Variants in DIS3L2 observed in about 807,000 individuals in gnomAD.
DIS3L2 encodes the protein DIS3 like 3'-5' exoribonuclease 2.
A neutral mutation model predicts 97.5 loss-of-function variants in DIS3L2; 34 were observed. That is an observed-to-expected ratio of 0.35 (90% CI 0.27 to 0.46). DIS3L2 has a LOEUF of 0.46. DIS3L2 is among the 20% of genes least tolerant of loss of function. The probability of loss-of-function intolerance (pLI) is 1.00; values close to 1 mark genes in which losing one functional copy is unlikely to be tolerated. For synonymous variants in DIS3L2, 435 were observed against 445.2 expected (o/e 0.98, Z 0.29); for missense variants, 1,038 against 1,146.0 (o/e 0.91, Z 1.36).
chr2:232,306,558 C>T (rs945401259), intron 14 of DIS3L2, among the ~76,000 whole-genome samples: 2 of 151,986 alleles, frequency 1.3e-5, no homozygotes, highest in African/African-American at 2.4e-5. Context: ...TCTATTAGTT[C>T]TCTGTGTTTG....
In DIS3L2 at chr2:232,325,527, C is replaced by G. The variant is rs988728662; in HGVS notation, c.1740-4286C>G. 3.3e-5 allele frequency among the ~76,000 whole-genome samples: 5 copies of G among 152,202 alleles called. No individual in the cohort carries two copies. Among genetic ancestry groups the G allele is most frequent in the Non-Finnish European group, 5.9e-5 (4 of 68,028 alleles). The stretch of plus-strand genomic sequence containing the variant: ...CTCCTGCCCCAGGGAGGCCCAGAAC[C>G]AGGGAGGAGAGGTGCTGGGAGTGAG... On this transcript the variant is annotated intron_variant, in intron 14 of 20. Coordinates refer to ENST00000325385, the MANE Select transcript of DIS3L2 (RefSeq NM_152383.5). The surrounding 1 kb of genome is among the most constrained non-coding windows in gnomAD (Gnocchi z 4.6).
chr2:232,318,357 G>A (rs948398361), intron 14 of DIS3L2, among the ~76,000 whole-genome samples: 6 of 152,262 alleles, frequency 3.9e-5, no homozygotes, highest in Non-Finnish European at 5.9e-5. Context: ...TGGAGGACCA[G>A]TTTCGCCAAG....
intron 5 of DIS3L2, among the ~76,000 whole-genome samples, chr2:232,034,844 A>G (rs1281416748): frequency 6.6e-6 from 1 of 152,172 alleles, no homozygotes; most frequent in Non-Finnish European, 1.5e-5. Flanking sequence ...ATTTGTTAAG[A>G]TTTCCATTGT....
intron 9 of DIS3L2, among the ~76,000 whole-genome samples, chr2:232,175,673 C>T: frequency 6.6e-6 from 1 of 151,946 alleles, no homozygotes; most frequent in East Asian, 1.9e-4. Flanking sequence ...ATGATTTTGT[C>T]ACCCAGGTAG....
intron 8 of DIS3L2, among the ~76,000 whole-genome samples, chr2:232,153,539 TC>T (rs1690379913): frequency 1.9e-5 from 1 of 53,114 alleles, no homozygotes; most frequent in Admixed American, 2.1e-4. Flanking sequence ...CCCACTCTCT[TC>T]TGGCTTGTAG....
At chr2:232,316,826 A>C (rs753375291) in intron 14 of DIS3L2, among the ~76,000 whole-genome samples, 3 of 152,194 alleles carry the variant, frequency 2.0e-5, no homozygotes, top group Non-Finnish European at 4.4e-5. Context: ...GTTTCCTGTC[A>C]TTAAGTCTTT....
At chr2:231,977,246 G>C (rs1049695053) in intron 1 of DIS3L2, among the ~76,000 whole-genome samples, 1 of 149,132 alleles carries the variant, frequency 6.7e-6, no homozygotes, top group East Asian at 1.9e-4. Context: ...AGGACCGTCT[G>C]TCTGTACAAT....
At chr2:232,336,303 G>A (rs746275066) in intron 20 of DIS3L2, 166 bp from the exon 21 acceptor site, 3 of 1,547,154 alleles carry the variant, frequency 1.9e-6, no homozygotes, top group South Asian at 2.4e-5. Flanking sequence ...ACTCTGCCCT[G>A]ACCCAGGGCA....
chr2:232,169,858 G>A (rs1335163739), intron 9 of DIS3L2, among the ~76,000 whole-genome samples: 1 of 152,128 alleles, frequency 6.6e-6, no homozygotes, highest in Admixed American at 6.5e-5. Context: ...CCAGTTTTTT[G>A]GTCCAATGGA....
intron 7 of DIS3L2, 48 bp from the exon 8 acceptor site, chr2:232,136,424 T>G (rs755267179): frequency 7.5e-6 from 12 of 1,602,724 alleles, no homozygotes; most frequent in South Asian, 1.1e-5. Flanking sequence ...CCAAGTGTAA[T>G]TCAGTTCTGC....
Position 232,238,431 on chromosome 2 carries a change from C to G in DIS3L2, c.1205-102C>G, listed in dbSNP as rs919498652. 7.6e-5 allele frequency: 69 copies of G among 908,388 alleles called. 1 individual carries two copies. In the South Asian group the frequency reaches 1.0e-3, roughly 13 times the overall value. 56.3% of individuals were successfully genotyped at this position (908,388 alleles called of 1,614,324 possible). On this transcript the variant is annotated intron_variant, in intron 10 of 20. Coordinates refer to ENST00000325385, the MANE Select transcript of DIS3L2 (RefSeq NM_152383.5). ...CTAGATGTGTCACCTAACTGCAGGT[C>G]CTGTGGCCTCTGGGAGTGACATACA... is the stretch of plus-strand genomic sequence containing the variant.
intron 5 of DIS3L2, among the ~76,000 whole-genome samples, chr2:232,063,321 T>G (rs1695764876): frequency 6.6e-6 from 1 of 152,226 alleles, no homozygotes; most frequent in Admixed American, 6.5e-5. Flanking sequence ...TATTTTGATT[T>G]CTTTCTTGAT....
chr2:232,185,712 T>C (rs1004642732), intron 9 of DIS3L2, among the ~76,000 whole-genome samples: 2 of 152,118 alleles, frequency 1.3e-5, no homozygotes, highest in African/African-American at 4.8e-5. Flanking sequence ...TAGCTGAGTG[T>C]GGTGGCTTGT....
At chr2:231,977,578 G>T (rs1446722179) in intron 1 of DIS3L2, among the ~76,000 whole-genome samples, 1 of 152,062 alleles carries the variant, frequency 6.6e-6, no homozygotes, top group Admixed American at 6.6e-5. Flanking sequence ...TAGTATTGTG[G>T]GCAGAGCCCA....
At chr2:231,973,330 A>G (rs141889789) in intron 1 of DIS3L2, among the ~76,000 whole-genome samples, 1 of 152,314 alleles carries the variant, frequency 6.6e-6, no homozygotes, top group East Asian at 1.9e-4. Flanking sequence ...CTTGAAAGAA[A>G]GAGAGAATCA....
chr2:232,135,367 A>C (rs1188734167), intron 7 of DIS3L2, among the ~76,000 whole-genome samples: 1 of 152,122 alleles, frequency 6.6e-6, no homozygotes, highest in Non-Finnish European at 1.5e-5. Flanking sequence ...GAAAACATGG[A>C]CACCCATTTC....
intron 10 of DIS3L2, among the ~76,000 whole-genome samples, chr2:232,214,631 G>T (rs1692282910): frequency 6.6e-6 from 1 of 152,142 alleles, no homozygotes; most frequent in African/African-American, 2.4e-5. Flanking sequence ...GAAGTACATG[G>T]CTACCTGTAT....
chr2:232,101,507 T>C (rs1301690531), intron 6 of DIS3L2, among the ~76,000 whole-genome samples: 1 of 152,250 alleles, frequency 6.6e-6, no homozygotes, highest in Non-Finnish European at 1.5e-5. Context: ...CTAAGCACTT[T>C]GTAATTAATT....
At chr2:232,176,571 C>G (rs1274603115) in intron 9 of DIS3L2, among the ~76,000 whole-genome samples, 2 of 150,446 alleles carry the variant, frequency 1.3e-5, no homozygotes, top group African/African-American at 4.9e-5. Context: ...TTATTGAGTT[C>G]AGATCTTTCT....
Sources: allele counts gnomAD v4.1 joint callset (sites outside exome capture counted in the v4.1 genomes callset), GRCh38; gene constraint gnomAD v4.1.1; non-coding constraint Gnocchi (gnomAD v3.1); transcripts MANE v1.5; gene names NCBI Gene and HGNC (gene_info 2026-07-23, HGNC 2026-07-21).